The following GOLGB1 variants were observed in gnomAD, a reference collection of about 807,000 sequenced individuals.
GOLGB1 encodes golgin subfamily B member 1.
GOLGB1 carries 174 observed loss-of-function variants against 336.9 expected under a neutral mutation model. That is an observed-to-expected ratio of 0.52 (90% CI 0.46 to 0.59). The LOEUF (loss-of-function observed/expected upper bound fraction) is 0.59, where lower values mean the gene tolerates loss of function less well. Among genes scored for constraint, GOLGB1 ranks in the 20% least tolerant of loss-of-function variants. The probability of loss-of-function intolerance (pLI) is 0.00; values close to 1 mark genes in which losing one functional copy is unlikely to be tolerated. For missense variants in GOLGB1, 3,331 were observed against 3,645.3 expected (o/e 0.91, Z 2.22); for synonymous variants, 1,208 against 1,289.2 (o/e 0.94, Z 1.35).
intron 10 of GOLGB1, among the ~76,000 whole-genome samples, chr3:121,709,123 A>G (rs954011526): frequency 2.6e-5 from 4 of 152,220 alleles, no homozygotes; most frequent in African/African-American, 9.6e-5. Flanking sequence ...TTGTAAGTGA[A>G]AAAAGGAACA....
intron 10 of GOLGB1, among the ~76,000 whole-genome samples, chr3:121,712,748 A>G (rs1576400830): frequency 6.6e-6 from 1 of 152,380 alleles, no homozygotes; most frequent in Non-Finnish European, 1.5e-5. Flanking sequence ...AATTTAAACC[A>G]CAATGAAATA....
At chr3:121,675,990 G>A (rs1940323759) in intron 17 of GOLGB1, among the ~76,000 whole-genome samples, 1 of 152,170 alleles carries the variant, frequency 6.6e-6, no homozygotes, top group Admixed American at 6.5e-5. Context: ...TGCTGGAAGG[G>A]GAACTCCATG....
rs1938235293 is a variant in GOLGB1, at chr3:121,663,886, G to C, written c.*594C>G. On this transcript the variant is annotated 3_prime_UTR_variant, in exon 22 of 22. Coordinates refer to ENST00000614479, the MANE Select transcript of GOLGB1 (RefSeq NM_001366282.2). ...CTCCAATTATATCTGAAATTGGCAGGGAAGAAGATGCTGTCCTCCCATGTG... is the reference window on the plus strand; with the variant it reads ...CTCCAATTATATCTGAAATTGGCAGCGAAGAAGATGCTGTCCTCCCATGTG... The C allele has an allele frequency of 6.5e-6, 1 of 153,034 alleles. No individual in the cohort carries two copies. Among genetic ancestry groups the C allele is most frequent in the African/African-American group, 2.4e-5 (1 of 41,426 alleles). The allele number at this position is 153,034 out of a possible 1,614,324, so 9.5% of individuals were successfully genotyped here.
chr3:121,700,458 T>C (rs991947847), intron 11 of GOLGB1, among the ~76,000 whole-genome samples: 8 of 152,060 alleles, frequency 5.3e-5, no homozygotes, highest in Non-Finnish European at 1.0e-4. Flanking sequence ...TGTGTATATA[T>C]TGAGCATCAA....
At chr3:121,701,748 A>G (rs1166850726) in intron 11 of GOLGB1, among the ~76,000 whole-genome samples, 1 of 152,136 alleles carries the variant, frequency 6.6e-6, no homozygotes, top group East Asian at 1.9e-4. Context: ...CAGGTGGTAT[A>G]CTAGTTTTGG....
At position 121,694,281 on chromosome 3, in the gene GOLGB1, T is replaced by A. The variant is rs1482196095; in HGVS notation, c.6242A>T (p.Glu2081Val). 6.2e-7 allele frequency: 1 copy of A among 1,610,490 alleles called. No individual in the cohort carries two copies. Among genetic ancestry groups the A allele is most frequent in the Non-Finnish European group, 8.5e-7 (1 of 1,179,944 alleles). Residue 2081 changes from glutamate (E) to valine (V), a missense_variant, in exon 13 of 22, where the codon GAA becomes GTA. By Grantham distance (121) the Glu-to-Val change is moderately radical. Coordinates refer to ENST00000614479, the MANE Select transcript of GOLGB1 (RefSeq NM_001366282.2). ...AVEHRKKAQA[E>V]LASFKVLLDD... ...TAGCAGGACTTTGAAGCTAGCTAAT[T>A]CTGCTTGTGCCTTTTTGCGGTGTTC...
At position 121,697,247 on chromosome 3, in the gene GOLGB1, T is replaced by C; in HGVS notation, c.3276A>G (p.Glu1092=). 1 of 1,614,152 alleles carries C rather than the reference T, an allele frequency of 6.2e-7. No individual in the cohort carries two copies. Among genetic ancestry groups the C allele is most frequent in the South Asian group, 1.1e-5 (1 of 91,082 alleles). Residue 1092 remains glutamate (E), a synonymous_variant, in exon 13 of 22, where the codon GAA becomes GAG. Coordinates refer to ENST00000614479, the MANE Select transcript of GOLGB1 (RefSeq NM_001366282.2). ...GTTTGACCAGAGCCTGGAATTGCTC[T>C]TCAGCTGCCAGCTTTTCTTCCAAAT... ...RKDLEEKLAA[E]EQFQALVKQM...
intron 14 of GOLGB1, among the ~76,000 whole-genome samples, chr3:121,687,224 T>C (rs1384468726): frequency 6.6e-6 from 1 of 152,166 alleles, no homozygotes; most frequent in Non-Finnish European, 1.5e-5. Context: ...ATTGCACCAC[T>C]GCACTCCAGC....
chr3:121,747,250 C>T, intron 1 of GOLGB1, among the ~76,000 whole-genome samples: 1 of 118,756 alleles, frequency 8.4e-6, no homozygotes. Flanking sequence ...AACAAAAATC[C>T]ATGTGTGTAT....
At position 121,726,390 on chromosome 3, in the gene GOLGB1, T is replaced by C. The variant is rs547976221; in HGVS notation, c.531+523A>G. 4.5e-5 allele frequency among the ~76,000 whole-genome samples: 6 copies of C among 134,094 alleles called. No individual in the cohort carries two copies. In the South Asian group the frequency reaches 1.3e-3, roughly 30 times the overall value. The allele number at this position is 134,094 out of a possible 152,430, so 88.0% of individuals were successfully genotyped here. A position where few individuals can be genotyped will look rare whatever the true frequency, so the allele number is the denominator to read the frequency against. On this transcript the variant is annotated intron_variant, in intron 5 of 21. Transcript: ENST00000614479. ...CAGAGGTTACAGAGAGCTGAGACTG[T>C]ACTGCTCCACTCCAGCCTGGCCAAC...
chr3:121,710,353 T>C (rs963264898), intron 10 of GOLGB1, among the ~76,000 whole-genome samples: 3 of 152,146 alleles, frequency 2.0e-5, no homozygotes, highest in African/African-American at 7.2e-5. Context: ...ATACCCTTAA[T>C]ACCAAAACCT....
chr3:121,736,267 A>G (rs1014775312), intron 1 of GOLGB1, among the ~76,000 whole-genome samples: 3 of 152,204 alleles, frequency 2.0e-5, no homozygotes, highest in Non-Finnish European at 4.4e-5. Context: ...ACTCACTTCC[A>G]AAGAATAGAA....
At chr3:121,704,717 G>A (rs573401059) in intron 10 of GOLGB1, among the ~76,000 whole-genome samples, 39 of 149,714 alleles carry the variant, frequency 2.6e-4, no homozygotes, top group East Asian at 1.4e-3. Context: ...CACAGGTTGC[G>A]GTGAGCCAAG....
At chr3:121,747,504 A>G (rs1947450420) in intron 1 of GOLGB1, among the ~76,000 whole-genome samples, 1 of 150,660 alleles carries the variant, frequency 6.6e-6, no homozygotes, top group South Asian at 2.1e-4. Flanking sequence ...CTAAATGTCC[A>G]TCAATGGGGA....
In GOLGB1 at chr3:121,677,273, G is replaced by C; in HGVS notation, c.9039+12C>G. On this transcript the variant is annotated intron_variant, in intron 16 of 21. Coordinates refer to ENST00000614479, the MANE Select transcript of GOLGB1 (RefSeq NM_001366282.2). ...TTATCTCTGAGTAACAATCAGCATT[G>C]AAATTACTCACCTGTCTTTGGTATT... 1 of 1,575,162 alleles carries C rather than the reference G, an allele frequency of 6.3e-7. No homozygotes were observed. Among genetic ancestry groups the C allele is most frequent in the Non-Finnish European group, 8.7e-7 (1 of 1,151,436 alleles).
chr3:121,708,805 A>C (rs960177514), intron 10 of GOLGB1, among the ~76,000 whole-genome samples: 1 of 152,222 alleles, frequency 6.6e-6, no homozygotes, highest in Non-Finnish European at 1.5e-5. Context: ...AATAGAAGGC[A>C]GGAAAAAAGA....
chr3:121,714,902 A>C lies in GOLGB1; in HGVS notation c.1363T>G (p.Ser455Ala). Residue 455 changes from serine (S) to alanine (A), a missense_variant, in exon 10 of 22, where the codon TCT (serine) becomes GCT (alanine). By Grantham distance (99) the Ser-to-Ala change is moderately conservative. Coordinates refer to ENST00000614479, the MANE Select transcript of GOLGB1 (RefSeq NM_001366282.2). ...TAAACATCTGGGAAAGAAGTCTGAGATGCTGTTTCATGTTGTTGCAAGGGC... is the reference window on the plus strand; with the variant it reads ...TAAACATCTGGGAAAGAAGTCTGAGCTGCTGTTTCATGTTGTTGCAAGGGC... ...RLPLQQHETA[S>A]QTSFPDVYNE... The C allele has an allele frequency of 6.2e-7, 1 of 1,612,802 alleles. No individual in the cohort carries two copies.
intron 1 of GOLGB1, among the ~76,000 whole-genome samples, chr3:121,747,262 T>C (rs1401535276): frequency 7.5e-6 from 1 of 132,512 alleles, no homozygotes; most frequent in Non-Finnish European, 1.6e-5. Flanking sequence ...TGTGTGTATA[T>C]ATATATGTAT....
chr3:121,669,102 T>C, intron 18 of GOLGB1, 110 bp downstream of exon 18: 2 of 1,060,240 alleles, frequency 1.9e-6, no homozygotes, highest in Non-Finnish European at 2.7e-6. Flanking sequence ...TCCCACTTTC[T>C]TCCCTGACCC....
Sources: allele counts gnomAD v4.1 joint callset (sites outside exome capture counted in the v4.1 genomes callset), GRCh38; gene constraint gnomAD v4.1.1; transcripts MANE v1.5; gene names NCBI Gene and HGNC (gene_info 2026-07-23, HGNC 2026-07-21).